Variants in SAMD13 observed in about 807,000 individuals in gnomAD.
The protein encoded by SAMD13 is sterile alpha motif domain containing 13, also known as sterile alpha motif domain-containing protein 13.
In SAMD13, 9 loss-of-function variants were observed where a neutral mutation model predicts 12.4. That is an observed-to-expected ratio of 0.72 (90% CI 0.44 to 1.26). The LOEUF (loss-of-function observed/expected upper bound fraction) is 1.26. Among genes scored for constraint, SAMD13 ranks in the 50% most tolerant of loss-of-function variants. SAMD13 has a pLI of 0.00. For missense variants in SAMD13, 84 were observed against 119.6 expected, an observed-to-expected ratio of 0.70 and a Z score of 1.39; for synonymous variants, 46 against 45.4, an observed-to-expected ratio of 1.01 and a Z score of -0.05.
chr1:84,318,570 A>G (rs183983302), intron 2 of SAMD13, among the ~76,000 whole-genome samples: 3 of 152,230 alleles, frequency 2.0e-5, no homozygotes, highest in African/African-American at 7.2e-5. Context: ...AGAAATGTAT[A>G]TTCTGCAGTT....
intron 2 of SAMD13, chr1:84,303,815 T>C (rs986650657): frequency 6.6e-6 from 1 of 152,574 alleles, no homozygotes; most frequent in Non-Finnish European, 1.5e-5. Context: ...AAGTCTGTTC[T>C]CACATTTGAA....
At chr1:84,319,961 A>C (rs115242014) in intron 2 of SAMD13, among the ~76,000 whole-genome samples, 1 of 152,214 alleles carries the variant, frequency 6.6e-6, no homozygotes, top group Non-Finnish European at 1.5e-5. Context: ...CCTGACTCAC[A>C]TTGCCATGTT....
chr1:84,304,799 T>G (rs184338388), intron 2 of SAMD13, among the ~76,000 whole-genome samples: 151 of 152,254 alleles, frequency 9.9e-4, no homozygotes, highest in African/African-American at 3.5e-3. Context: ...TTTCTGTCAC[T>G]CAGCATAATT....
chr1:84,341,209 C>A (rs188769976), intron 3 of SAMD13, among the ~76,000 whole-genome samples: 199 of 152,236 alleles, frequency 1.3e-3, no homozygotes, highest in African/African-American at 4.5e-3. Context: ...TCTGGAGAAC[C>A]CTAACTAATA....
chr1:84,340,534 A>C (rs764294077), intron 3 of SAMD13, among the ~76,000 whole-genome samples: 4 of 152,356 alleles, frequency 2.6e-5, no homozygotes, highest in Non-Finnish European at 5.9e-5. Context: ...GTGACCATAT[A>C]CTTAAAAATG....
intron 3 of SAMD13, among the ~76,000 whole-genome samples, chr1:84,328,078 A>G (rs948390776): frequency 6.6e-6 from 1 of 152,214 alleles, no homozygotes; most frequent in African/African-American, 2.4e-5. Context: ...CCAGCTGACC[A>G]AAAGCCCTTT....
At chr1:84,298,820 C>T (rs1012701925), upstream of SAMD13, among the ~76,000 whole-genome samples, 3 of 152,014 alleles carry the variant, frequency 2.0e-5, no homozygotes, top group Admixed American at 2.0e-4. Context: ...TGGCAGTGCT[C>T]GGGGAGCGGG....
At position 84,349,628 on chromosome 1, in the gene SAMD13, T is replaced by C. The variant is rs780146159; in HGVS notation, c.166-3T>C. Reference sequence around the variant, plus strand: ...TTGGCTTTACCTTCTGCTTCCATTATAGGAAATTGATGGAAAATCCCTGCT... The same window carrying C: ...TTGGCTTTACCTTCTGCTTCCATTACAGGAAATTGATGGAAAATCCCTGCT... On this transcript the variant is annotated splice_polypyrimidine_tract_variant and splice_region_variant and intron_variant, in intron 3 of 3. Coordinates refer to ENST00000394834, the MANE Select transcript of SAMD13 (RefSeq NM_001134663.2). 19 of 1,612,742 alleles carry C rather than the reference T, an allele frequency of 1.2e-5. No individual in the cohort carries two copies. Among genetic ancestry groups the C allele is most frequent in the Non-Finnish European group, 1.6e-5 (19 of 1,179,282 alleles).
intron 3 of SAMD13, among the ~76,000 whole-genome samples, chr1:84,335,135 A>G (rs1679266224): frequency 6.6e-6 from 1 of 152,112 alleles, no homozygotes. Flanking sequence ...CTAAACTGGT[A>G]GTAGGATGTT....
At chr1:84,303,111 G>A in intron 1 of SAMD13, 92 bp from the exon 2 acceptor site, 2 of 946,278 alleles carry the variant, frequency 2.1e-6, no homozygotes, top group South Asian at 1.4e-5. Context: ...GTGTGAAGCT[G>A]TAAAAGGGAC....
chr1:84,325,584 C>A, intron 2 of SAMD13, 53 bp from the exon 3 acceptor site: 2 of 1,115,894 alleles, frequency 1.8e-6, no homozygotes, highest in South Asian at 2.5e-5. Flanking sequence ...TGAGCCTGGC[C>A]ACACCCTTGT....
intron 2 of SAMD13, among the ~76,000 whole-genome samples, chr1:84,324,987 A>G (rs550211540): frequency 5.3e-5 from 8 of 152,274 alleles, no homozygotes; most frequent in South Asian, 2.1e-4. Flanking sequence ...CATTTCTCCA[A>G]CCTGCATCTC....
intron 2 of SAMD13, among the ~76,000 whole-genome samples, chr1:84,319,957 T>C (rs1036809434): frequency 6.6e-6 from 1 of 152,162 alleles, no homozygotes; most frequent in Admixed American, 6.5e-5. Context: ...ACAGCCTGAC[T>C]CACATTGCCA....
At chr1:84,318,001 T>C (rs767584683) in intron 2 of SAMD13, among the ~76,000 whole-genome samples, 2 of 152,078 alleles carry the variant, frequency 1.3e-5, no homozygotes, top group Non-Finnish European at 2.9e-5. Context: ...TGTATGACCT[T>C]TTTTACTTCT....
At chr1:84,319,350 G>A (rs1178169286) in intron 2 of SAMD13, among the ~76,000 whole-genome samples, 1 of 152,142 alleles carries the variant, frequency 6.6e-6, no homozygotes, top group Non-Finnish European at 1.5e-5. Flanking sequence ...TCTTGGCCAG[G>A]TGCAGTGGCT....
At position 84,338,693 on chromosome 1, in the gene SAMD13, C is replaced by T. The variant is rs182906345; in HGVS notation, c.166-10938C>T. Among the ~76,000 whole-genome samples, 558 of 152,228 alleles carry T rather than the reference C, an allele frequency of 3.7e-3. 5 individuals are homozygous for T. The highest frequency in any genetic ancestry group is 0.013 in the African/African-American group (531 of 41,530). On this transcript the variant is annotated intron_variant, in intron 3 of 3. Coordinates refer to ENST00000394834, the MANE Select transcript of SAMD13 (RefSeq NM_001134663.2). ...CCTCAGGTGAGCCACCTGCCTCGGC[C>T]TCCCAAAGTGCTGGGATTACAGGCA...
intron 2 of SAMD13, among the ~76,000 whole-genome samples, chr1:84,312,598 T>C (rs1206974955): frequency 6.6e-6 from 1 of 152,044 alleles, no homozygotes; most frequent in Non-Finnish European, 1.5e-5. Flanking sequence ...TGAATCAATC[T>C]CTGACACAAA....
At chr1:84,346,484 A>G (rs897502328) in intron 3 of SAMD13, among the ~76,000 whole-genome samples, 1 of 152,220 alleles carries the variant, frequency 6.6e-6, no homozygotes, top group Non-Finnish European at 1.5e-5. Flanking sequence ...CCAAGATGTG[A>G]AATATCTTTT....
At chr1:84,304,281 G>A (rs1157184023) in intron 2 of SAMD13, 1 of 152,170 alleles carries the variant, frequency 6.6e-6, no homozygotes, top group Non-Finnish European at 1.5e-5. Context: ...GTTTGGGGTA[G>A]GTAGGTGGAG....
Sources: allele counts gnomAD v4.1 joint callset (sites outside exome capture counted in the v4.1 genomes callset), GRCh38; gene constraint gnomAD v4.1.1; transcripts MANE v1.5; gene names NCBI Gene and HGNC (gene_info 2026-07-23, HGNC 2026-07-21).